The following CSMD1 variants were observed in gnomAD, a reference collection of about 807,000 sequenced individuals.
The protein encoded by CSMD1 is CUB and sushi domain-containing protein 1.
Under a neutral mutation model 417.5 loss-of-function variants are expected in CSMD1, and 213 were observed. The ratio of observed to expected loss-of-function variants is 0.51; its 90% CI spans 0.46 to 0.57. The LOEUF is 0.57. CSMD1 is among the 20% of genes least tolerant of loss of function. The probability of loss-of-function intolerance (pLI) is 0.00; values close to 1 mark genes in which losing one functional copy is unlikely to be tolerated. For synonymous variants in CSMD1, 2,862 were observed against 1,736.8 expected (o/e 1.65, Z -16.11); for missense variants, 6,923 against 4,529.7 (o/e 1.53, Z -15.17).
chr8:3,808,275 G>A (rs1800861477), intron 5 of CSMD1, among the ~76,000 whole-genome samples: 4 of 152,050 alleles, frequency 2.6e-5, no homozygotes, highest in African/African-American at 9.7e-5. Flanking sequence ...GGAATATAAA[G>A]ATTTTTTTCA....
At chr8:4,095,856 G>C (rs574654676) in intron 3 of CSMD1, among the ~76,000 whole-genome samples, 20 of 152,232 alleles carry the variant, frequency 1.3e-4, no homozygotes, top group African/African-American at 4.1e-4. Flanking sequence ...ACTTTTTAAA[G>C]TGTTGAAAGC....
At chr8:3,862,925 G>A (rs1280160092) in intron 5 of CSMD1, among the ~76,000 whole-genome samples, 1 of 152,090 alleles carries the variant, frequency 6.6e-6, no homozygotes, top group Non-Finnish European at 1.5e-5. Flanking sequence ...CATTTGTCTG[G>A]GGATTTTTAA....
intron 1 of CSMD1, among the ~76,000 whole-genome samples, chr8:4,782,469 T>A (rs1797203613): frequency 6.6e-6 from 1 of 152,188 alleles, no homozygotes; most frequent in African/African-American, 2.4e-5. Flanking sequence ...ACTTTAGATT[T>A]AAAGAAATCT....
chr8:3,874,235 G>C (rs976803445), intron 5 of CSMD1, among the ~76,000 whole-genome samples: 2 of 152,160 alleles, frequency 1.3e-5, no homozygotes, highest in African/African-American at 4.8e-5. Flanking sequence ...TTTTCTAAAG[G>C]ATGAAGAGCA....
intron 3 of CSMD1, among the ~76,000 whole-genome samples, chr8:4,306,228 A>G (rs894746515): frequency 6.6e-6 from 1 of 152,188 alleles, no homozygotes; most frequent in African/African-American, 2.4e-5. Context: ...TTCTTCCAAA[A>G]TATCACGACA....
rs141684556 is a variant in CSMD1 at position 4,111,487 on chromosome 8, C to G, written c.416-79388G>C. Among the ~76,000 whole-genome samples the G allele has an allele frequency of 1.8e-3, 267 of 152,290 alleles. 1 individual carries two copies. The highest frequency in any genetic ancestry group is 3.4e-3 in the Middle Eastern group (1 of 294). The stretch of plus-strand genomic sequence containing the variant: ...ATGCACGAGTATGTTCATTGCAGCA[C>G]TATCCACAATAGCAAAGACATGGAA... On this transcript the variant is annotated intron_variant, in intron 3 of 69. Coordinates refer to ENST00000635120, the MANE Select transcript of CSMD1 (RefSeq NM_033225.6).
At chr8:3,782,531 G>A (rs528508181) in intron 5 of CSMD1, among the ~76,000 whole-genome samples, 9 of 152,162 alleles carry the variant, frequency 5.9e-5, no homozygotes, top group Non-Finnish European at 8.8e-5. Context: ...AGCATGAGGA[G>A]AAATACCTAA....
At chr8:4,590,412 A>C (rs1799926768) in intron 2 of CSMD1, among the ~76,000 whole-genome samples, 1 of 152,186 alleles carries the variant, frequency 6.6e-6, no homozygotes, top group Admixed American at 6.5e-5. Flanking sequence ...TGGGCTTATT[A>C]ATTTTATGTT....
intron 8 of CSMD1, among the ~76,000 whole-genome samples, chr8:3,605,575 T>G (rs2117103382): frequency 1.3e-5 from 2 of 152,376 alleles, no homozygotes; most frequent in East Asian, 3.9e-4. Flanking sequence ...CTTCTTATTA[T>G]GTAATTTTTT....
chr8:4,466,973 G>T (rs1800211090), intron 2 of CSMD1, among the ~76,000 whole-genome samples: 1 of 151,784 alleles, frequency 6.6e-6, no homozygotes, highest in Non-Finnish European at 1.5e-5. Flanking sequence ...TAGCTGTAAG[G>T]AAATGCTCAG....
intron 12 of CSMD1, among the ~76,000 whole-genome samples, chr8:3,464,619 A>C (rs535281308): frequency 1.3e-5 from 2 of 149,960 alleles, no homozygotes; most frequent in Non-Finnish European, 3.0e-5. Context: ...AAATTATACA[A>C]TTATATATAG....
intron 5 of CSMD1, among the ~76,000 whole-genome samples, chr8:3,814,275 G>C (rs1801249911): frequency 6.6e-6 from 1 of 152,166 alleles, no homozygotes; most frequent in South Asian, 2.1e-4. Flanking sequence ...CTGAAATTCT[G>C]TATCTGAATC....
chr8:2,962,314 G>A (rs183896170), intron 61 of CSMD1, among the ~76,000 whole-genome samples, 152 bp downstream of exon 61: 1 of 152,294 alleles, frequency 6.6e-6, no homozygotes, highest in African/African-American at 2.4e-5. Context: ...TGATGAGTGC[G>A]CAATCCTACT....
chr8:3,719,579 C>G (rs1356217049), intron 6 of CSMD1, among the ~76,000 whole-genome samples: 1 of 152,154 alleles, frequency 6.6e-6, no homozygotes, highest in Non-Finnish European at 1.5e-5. Flanking sequence ...AATAATACAT[C>G]TCTTGCAAGA....
intron 1 of CSMD1, among the ~76,000 whole-genome samples, chr8:4,937,655 T>A (rs541452299): frequency 2.4e-4 from 37 of 152,276 alleles, no homozygotes; most frequent in African/African-American, 7.9e-4. Context: ...AGCACATGAA[T>A]TATTTCACCT....
intron 7 of CSMD1, among the ~76,000 whole-genome samples, chr8:3,667,429 T>G (rs1798752100): frequency 6.6e-6 from 1 of 151,892 alleles, no homozygotes; most frequent in Non-Finnish European, 1.5e-5. Flanking sequence ...GAAGAGATTT[T>G]GGATAGCAGC....
At position 3,683,121 on chromosome 8, in the gene CSMD1, C is replaced by A. The variant is rs1799753237; in HGVS notation, c.1009+25293G>T. Among the ~76,000 whole-genome samples, 8 of 151,980 alleles carry A rather than the reference C, an allele frequency of 5.3e-5. No homozygotes were observed. The South Asian group carries it at 6.2e-4, about 12-fold the overall frequency. ...AAATGACAAGCTAATGGGTGCAGCA[C>A]ACCAACATGGCACATGTATACATAT... is the stretch of plus-strand genomic sequence containing the variant. On this transcript the variant is annotated intron_variant, in intron 7 of 69. Coordinates refer to ENST00000635120, the MANE Select transcript of CSMD1 (RefSeq NM_033225.6).
At chr8:3,221,123 T>A (rs764440094) in intron 28 of CSMD1, among the ~76,000 whole-genome samples, 3 of 152,146 alleles carry the variant, frequency 2.0e-5, no homozygotes, top group Non-Finnish European at 2.9e-5. Flanking sequence ...AGAAGTTCCC[T>A]CCTGGAAAGG....
At chr8:3,879,624 G>T (rs10088766) in intron 5 of CSMD1, among the ~76,000 whole-genome samples, 140,990 of 152,270 alleles carry the variant, frequency 0.93, 65,354 homozygotes, top group Middle Eastern at 0.98. Flanking sequence ...ACTGGTTTCA[G>T]AAATGAAAAA....
Sources: gnomAD v4.1 joint callset for allele counts (sites outside exome capture counted in the v4.1 genomes callset) on GRCh38, gnomAD v4.1.1 for gene constraint, MANE v1.5 for transcripts, NCBI Gene and HGNC (gene_info 2026-07-23, HGNC 2026-07-21) for gene names.